Variants in SVOP observed in about 807,000 individuals in gnomAD.
SVOP encodes the protein SV2 related protein.
In SVOP, 17 loss-of-function variants were observed where a neutral mutation model predicts 69.1. That is an observed-to-expected ratio of 0.25 (90% CI 0.17 to 0.37). The LOEUF (loss-of-function observed/expected upper bound fraction) is 0.37, where lower values mean the gene tolerates loss of function less well. Among genes scored for constraint, SVOP ranks in the 10% least tolerant of loss-of-function variants. SVOP has a pLI of 1.00. For missense variants in SVOP, 435 were observed against 597.5 expected (o/e 0.73, Z 2.84); for synonymous variants, 238 against 238.6 (o/e 1.00, Z 0.02).
intron 1 of SVOP, among the ~76,000 whole-genome samples, chr12:109,020,218 G>A (rs537809929): frequency 5.9e-5 from 9 of 152,112 alleles, no homozygotes; most frequent in South Asian, 2.1e-4. Flanking sequence ...CTGATGTTCC[G>A]ACAGTGAGTC....
At chr12:108,925,351 C>A (rs1162112936) in intron 11 of SVOP, among the ~76,000 whole-genome samples, 1 of 152,152 alleles carries the variant, frequency 6.6e-6, no homozygotes, top group Non-Finnish European at 1.5e-5. Context: ...AGTAATACTG[C>A]CGCCATCTTG....
chr12:108,972,514 G>A (rs2040085393), intron 4 of SVOP, 38 bp from the exon 5 acceptor site: 1 of 1,528,674 alleles, frequency 6.5e-7, no homozygotes, highest in Non-Finnish European at 8.8e-7. Context: ...GACAGAGGAT[G>A]TGGATCATTG....
intron 7 of SVOP, among the ~76,000 whole-genome samples, chr12:108,941,303 G>C (rs1432500781): frequency 1.3e-4 from 20 of 151,604 alleles, no homozygotes; most frequent in Admixed American, 1.2e-3. Flanking sequence ...GCTCACTGTA[G>C]CCTTAACCTC....
intron 5 of SVOP, among the ~76,000 whole-genome samples, chr12:108,965,406 T>G (rs1417299362): frequency 6.6e-6 from 1 of 152,122 alleles, no homozygotes; most frequent in Non-Finnish European, 1.5e-5. Flanking sequence ...AAATGCACAA[T>G]GCACATGTAA....
At chr12:109,008,830 A>T (rs1335560167) in intron 1 of SVOP, among the ~76,000 whole-genome samples, 1 of 152,090 alleles carries the variant, frequency 6.6e-6, no homozygotes, top group East Asian at 1.9e-4. Flanking sequence ...GTGCGCACAC[A>T]CTTACTCATT....
intron 4 of SVOP, among the ~76,000 whole-genome samples, chr12:108,975,314 A>G (rs2040100529): frequency 1.3e-5 from 2 of 151,912 alleles, no homozygotes; most frequent in Admixed American, 6.6e-5. Context: ...TATGTCTCCA[A>G]CTCCTGCAGG....
In SVOP at chr12:108,961,019, A is replaced by G; in HGVS notation, c.482T>C (p.Leu161Pro). Residue 161 changes from leucine to proline, a missense_variant, in exon 6 of 16, where the codon CTG (leucine) becomes CCG (proline). Physicochemically the swap from Leu to Pro is moderately conservative, Grantham distance 98. Coordinates refer to ENST00000610966, the MANE Select transcript of SVOP (RefSeq NM_018711.5). The part of the protein sequence containing the change: ...TGLKISVLWT[L>P]YYGILSAFAP... ...AAATGCACTAAGGATGCCATAGTAC[A>G]GAGTCCACAGCACGCTGATCTTCAG... 6.5e-7 allele frequency: 1 copy of G among 1,536,898 alleles called. No individual in the cohort carries two copies. Among genetic ancestry groups the G allele is most frequent in the Non-Finnish European group, 8.7e-7 (1 of 1,146,650 alleles).
At chr12:108,927,625 CTGT>C (rs1016780782) in intron 11 of SVOP, among the ~76,000 whole-genome samples, 12 of 144,166 alleles carry the variant, frequency 8.3e-5, no homozygotes, top group African/African-American at 3.1e-4. Context: ...GGCTCTCACT[CTGT>C]TGCCCAGGCT....
At chr12:108,978,384 C>T in intron 3 of SVOP, 194 bp downstream of exon 3, 1 of 526,980 alleles carries the variant, frequency 1.9e-6, no homozygotes, top group South Asian at 2.7e-5. Context: ...GGGCAACTGC[C>T]AAACACACCC....
At chr12:108,995,641 C>G (rs953752745) in intron 1 of SVOP, among the ~76,000 whole-genome samples, 3 of 152,126 alleles carry the variant, frequency 2.0e-5, no homozygotes, top group Admixed American at 1.3e-4. Context: ...GTTTATGGTC[C>G]TATAATGCCA....
intron 1 of SVOP, among the ~76,000 whole-genome samples, chr12:109,005,731 G>A (rs1197173431): frequency 1.3e-5 from 2 of 152,154 alleles, no homozygotes; most frequent in Admixed American, 1.3e-4. Context: ...AAAAGTGAGT[G>A]ATCAGAAAAG....
chr12:108,946,386 C>T (rs1374136826), intron 6 of SVOP, among the ~76,000 whole-genome samples: 1 of 152,142 alleles, frequency 6.6e-6, no homozygotes, highest in African/African-American at 2.4e-5. Flanking sequence ...AGGCATGAGC[C>T]ACTGTGCCTA....
At chr12:108,942,076 T>C (rs949358893) in intron 7 of SVOP, among the ~76,000 whole-genome samples, 2 of 152,246 alleles carry the variant, frequency 1.3e-5, no homozygotes, top group African/African-American at 4.8e-5. Flanking sequence ...AGGTACCTCA[T>C]ATAAGTGGAA....
chr12:108,912,433 G>T lies in SVOP; in HGVS notation c.*102C>A. ...CTGTTGGTCCAGGTCATACTCTTGG[G>T]TGAGTTCTTGATGTCGGCAGTGACA... is the stretch of plus-strand genomic sequence containing the variant. On this transcript the variant is annotated 3_prime_UTR_variant, in exon 16 of 16. Coordinates refer to ENST00000610966, the MANE Select transcript of SVOP (RefSeq NM_018711.5). 1 of 1,568,120 alleles carries T rather than the reference G, an allele frequency of 6.4e-7. No homozygotes were observed. The highest frequency in any genetic ancestry group is 8.7e-7 in the Non-Finnish European group (1 of 1,155,800).
intron 1 of SVOP, among the ~76,000 whole-genome samples, chr12:109,015,811 A>C (rs2040364863): frequency 6.6e-6 from 1 of 152,070 alleles, no homozygotes; most frequent in Non-Finnish European, 1.5e-5. Flanking sequence ...AAAACAAAAC[A>C]AAAAAGTGAA....
intron 1 of SVOP, among the ~76,000 whole-genome samples, chr12:109,008,180 C>T (rs1287773139): frequency 1.3e-5 from 2 of 152,170 alleles, no homozygotes; most frequent in African/African-American, 4.8e-5. Flanking sequence ...AACCAGTCAG[C>T]CAAAGCTTCT....
chr12:108,937,615 C>A (rs1004960952), intron 9 of SVOP, among the ~76,000 whole-genome samples: 1 of 152,064 alleles, frequency 6.6e-6, no homozygotes, highest in Non-Finnish European at 1.5e-5. Context: ...TCCTTCCTGG[C>A]CCCTCAGACC....
At chr12:108,942,038 T>C (rs192840026) in intron 7 of SVOP, among the ~76,000 whole-genome samples, 1 of 152,306 alleles carries the variant, frequency 6.6e-6, no homozygotes, top group African/African-American at 2.4e-5. Flanking sequence ...ACTATTCTAC[T>C]TTTCGTCTCT....
intron 1 of SVOP, among the ~76,000 whole-genome samples, chr12:109,009,289 A>C (rs2040328363): frequency 1.3e-5 from 2 of 151,790 alleles, no homozygotes; most frequent in Non-Finnish European, 1.5e-5. Flanking sequence ...TTATTCACTC[A>C]TTCATTTAAC....
Sources: allele counts gnomAD v4.1 joint callset (sites outside exome capture counted in the v4.1 genomes callset), GRCh38; gene constraint gnomAD v4.1.1; transcripts MANE v1.5; gene names NCBI Gene and HGNC (gene_info 2026-07-23, HGNC 2026-07-21).